Variants in MRPL1 observed in about 807,000 individuals in gnomAD.
MRPL1 encodes the protein large ribosomal subunit protein uL1m.
In MRPL1, 28 loss-of-function variants were observed where a neutral mutation model predicts 38.0. The observed-to-expected ratio is 0.74, with a 90% CI of 0.55 to 1.01. The LOEUF is 1.01. Among genes scored for constraint, MRPL1 ranks in the 50% least tolerant of loss-of-function variants. The pLI, the probability that MRPL1 is intolerant of heterozygous loss-of-function variation, is 0.00. For synonymous variants in MRPL1, 123 were observed against 126.7 expected (o/e 0.97, Z 0.20); for missense variants, 358 against 389.8 (o/e 0.92, Z 0.69).
intron 1 of MRPL1, among the ~76,000 whole-genome samples, chr4:77,863,260 C>G (rs1228552703): frequency 6.6e-6 from 1 of 151,990 alleles, no homozygotes; most frequent in African/African-American, 2.4e-5. Flanking sequence ...TAAATTAGAG[C>G]AATTTTCAAA....
chr4:77,872,855 TC>T (rs764718972), intron 2 of MRPL1, among the ~76,000 whole-genome samples: 1 of 151,884 alleles, frequency 6.6e-6, no homozygotes, highest in Non-Finnish European at 1.5e-5. Context: ...AGAGTGAGAC[TC>T]CATCTCAAAA....
At chr4:77,904,385 C>T in intron 6 of MRPL1, among the ~76,000 whole-genome samples, 1 of 151,946 alleles carries the variant, frequency 6.6e-6, no homozygotes, top group Non-Finnish European at 1.5e-5. Flanking sequence ...GAAACCCCAT[C>T]TCTACTAAAA....
intron 6 of MRPL1, chr4:77,907,037 G>A (rs1736174429): frequency 1.0e-6 from 1 of 985,256 alleles, no homozygotes; most frequent in African/African-American, 1.7e-5. Flanking sequence ...TAGGAATAAT[G>A]TATGCTGAGG....
intron 7 of MRPL1, among the ~76,000 whole-genome samples, chr4:77,920,440 A>G (rs1459144493): frequency 6.6e-6 from 1 of 152,230 alleles, no homozygotes; most frequent in Non-Finnish European, 1.5e-5. Flanking sequence ...AAATTAATCC[A>G]TATTCATACA....
At chr4:77,937,071 GGTGT>G (rs1737001598) in intron 7 of MRPL1, among the ~76,000 whole-genome samples, 3 of 152,050 alleles carry the variant, frequency 2.0e-5, no homozygotes, top group Non-Finnish European at 4.4e-5. Context: ...GCTGTAATGA[GGTGT>G]GTTAGTGTCA....
chr4:77,928,811 T>C (rs1324787054), intron 7 of MRPL1, among the ~76,000 whole-genome samples: 1 of 152,168 alleles, frequency 6.6e-6, no homozygotes, highest in Non-Finnish European at 1.5e-5. Flanking sequence ...CAAAAATAAT[T>C]TATTATCATT....
intron 7 of MRPL1, among the ~76,000 whole-genome samples, chr4:77,925,452 C>A (rs945036344): frequency 6.6e-6 from 1 of 151,488 alleles, no homozygotes; most frequent in African/African-American, 2.4e-5. Flanking sequence ...CCCGGGTTCA[C>A]ACCGTTCTCC....
intron 5 of MRPL1, among the ~76,000 whole-genome samples, chr4:77,889,389 C>T (rs1735755655): frequency 2.6e-5 from 4 of 152,112 alleles, no homozygotes; most frequent in Admixed American, 1.3e-4. Flanking sequence ...CTACTGGGTA[C>T]ATAACGAAAT....
chr4:77,875,085 G>T lies in MRPL1; in HGVS notation c.143+3230G>T, dbSNP rs187711749. Among the ~76,000 whole-genome samples, 98 of 151,976 alleles carry T rather than the reference G, an allele frequency of 6.4e-4. No homozygotes were observed. The East Asian group carries it at 0.013, about 20-fold the overall frequency. On this transcript the variant is annotated intron_variant, in intron 2 of 8. Transcript: ENST00000315567. ...TTACAGGCGTGAGCCACCATGCCTGGCCCGTTTATGTTTTCTTTACTGTGA... is the reference window on the plus strand; with the variant it reads ...TTACAGGCGTGAGCCACCATGCCTGTCCCGTTTATGTTTTCTTTACTGTGA...
chr4:77,937,941 A>G (rs1304742074), intron 7 of MRPL1, among the ~76,000 whole-genome samples: 3 of 152,190 alleles, frequency 2.0e-5, no homozygotes, highest in African/African-American at 4.8e-5. Flanking sequence ...CATAATAGAT[A>G]CATAGTAGGA....
intron 2 of MRPL1, among the ~76,000 whole-genome samples, chr4:77,876,200 T>C (rs1457685747): frequency 6.6e-6 from 1 of 152,176 alleles, no homozygotes; most frequent in Non-Finnish European, 1.5e-5. Flanking sequence ...CTCAGACTGC[T>C]GACCTCAAGT....
chr4:77,904,621 G>GA (rs1343332260), intron 6 of MRPL1, among the ~76,000 whole-genome samples: 1 of 152,110 alleles, frequency 6.6e-6, no homozygotes, highest in Non-Finnish European at 1.5e-5. Context: ...TTTGAGATGT[G>GA]AGACTTTATC....
At chr4:77,866,587 A>G (rs986469525) in intron 1 of MRPL1, among the ~76,000 whole-genome samples, 5 of 151,762 alleles carry the variant, frequency 3.3e-5, no homozygotes, top group East Asian at 1.9e-4. Flanking sequence ...TTCTCCATCT[A>G]TCCTCCCTCA....
At chr4:77,896,448 G>A (rs1735916941) in intron 6 of MRPL1, among the ~76,000 whole-genome samples, 1 of 151,936 alleles carries the variant, frequency 6.6e-6, no homozygotes, top group Non-Finnish European at 1.5e-5. Flanking sequence ...CTATTTAATG[G>A]CACTGGTAAA....
At chr4:77,882,182 A>G (rs1735556731) in intron 2 of MRPL1, among the ~76,000 whole-genome samples, 1 of 152,216 alleles carries the variant, frequency 6.6e-6, no homozygotes, top group Admixed American at 6.5e-5. Context: ...TTACAGAAAA[A>G]GTTTGCCAAC....
At chr4:77,927,020 TTTC>T (rs1471791658) in intron 7 of MRPL1, among the ~76,000 whole-genome samples, 2 of 152,146 alleles carry the variant, frequency 1.3e-5, no homozygotes, top group Admixed American at 6.6e-5. Flanking sequence ...TCATTTCTAT[TTTC>T]TTCTTCCCTT....
At chr4:77,925,130 A>G (rs1481283826) in intron 7 of MRPL1, among the ~76,000 whole-genome samples, 2 of 152,192 alleles carry the variant, frequency 1.3e-5, no homozygotes, top group Admixed American at 1.3e-4. Flanking sequence ...TGAATTTTCT[A>G]AACCACTTGA....
In MRPL1 at chr4:77,897,082, T is replaced by A. The variant is rs568528976; in HGVS notation, c.670+2832T>A. Among the ~76,000 whole-genome samples, 185 of 151,678 alleles carry A rather than the reference T, an allele frequency of 1.2e-3. 1 individual carries two copies. Among genetic ancestry groups the A allele is most frequent in the African/African-American group, 4.4e-3 (180 of 41,148 alleles). On this transcript the variant is annotated intron_variant, in intron 6 of 8. Coordinates refer to ENST00000315567, the MANE Select transcript of MRPL1 (RefSeq NM_020236.4). ...TAGCGTGAAATATATCTTTTTTTTT[T>A]ATGAGTCAGAGTTTCCCTCTGTCGC...
In MRPL1 at chr4:77,862,864, A is replaced by C. The variant is rs1416201264; in HGVS notation, c.16A>C (p.Arg6=). ...AGTGCCCAACATGGCGGCGGCCGTA[A>C]GGTGCATGGGTAGAGGTAAGGCGAG... MAAAV[R]CMGRALIHHQ... Residue 6 remains arginine (R), a synonymous_variant, in exon 1 of 9, where the codon AGG becomes CGG. Transcript: ENST00000315567. 1.2e-6 allele frequency: 2 copies of C among 1,613,998 alleles called. No individual in the cohort carries two copies. The highest frequency in any genetic ancestry group is 2.2e-5 in the East Asian group (1 of 44,892).
Sources: allele counts gnomAD v4.1 joint callset (sites outside exome capture counted in the v4.1 genomes callset), GRCh38; gene constraint gnomAD v4.1.1; transcripts MANE v1.5; gene names NCBI Gene and HGNC (gene_info 2026-07-23, HGNC 2026-07-21).